MCC: variants seen among roughly 807,000 people sequenced by gnomAD.
MCC encodes the protein colorectal mutant cancer protein.
A neutral mutation model predicts 116.2 loss-of-function variants in MCC; 90 were observed. The observed-to-expected ratio is 0.77, with a 90% CI of 0.65 to 0.92. The LOEUF (loss-of-function observed/expected upper bound fraction) is 0.92. MCC is among the 40% of genes least tolerant of loss of function. MCC has a pLI of 0.00. For synonymous variants in MCC, 578 were observed against 510.5 expected (o/e 1.13, Z -1.78); for missense variants, 1,516 against 1,312.2 (o/e 1.16, Z -2.40).
rs961848657 is a variant in MCC, at chr5:113,104,086, C to T, written c.1191+106G>A. 5 of 1,168,222 alleles carry T rather than the reference C, an allele frequency of 4.3e-6. No individual in the cohort carries two copies. In the African/African-American group the frequency reaches 6.2e-5, roughly 14 times the overall value. 72.4% of individuals were successfully genotyped at this position (1,168,222 alleles called of 1,614,324 possible). A position where few individuals can be genotyped will look rare whatever the true frequency, so the allele number is the denominator to read the frequency against. The stretch of plus-strand genomic sequence containing the variant: ...ATCTATTGTATGGCTCTCATGGAAA[C>T]ATTCATCCCTAGTAAGTATTTAAGA... On this transcript the variant is annotated intron_variant, in intron 7 of 18. Transcript: ENST00000408903.
At chr5:113,275,932 T>G (rs1361572493) in intron 3 of MCC, among the ~76,000 whole-genome samples, 1 of 152,048 alleles carries the variant, frequency 6.6e-6, no homozygotes, top group East Asian at 1.9e-4. Flanking sequence ...TGAAATTCCC[T>G]TTTTACAAAA....
At chr5:113,348,456 C>G (rs566656562) in intron 2 of MCC, among the ~76,000 whole-genome samples, 1 of 152,084 alleles carries the variant, frequency 6.6e-6, no homozygotes, top group East Asian at 1.9e-4. Context: ...CAATATGCTC[C>G]TAAATAACCA....
chr5:113,487,952 A>C (rs1772587348), intron 1 of MCC, among the ~76,000 whole-genome samples: 1 of 152,164 alleles, frequency 6.6e-6, no homozygotes, highest in Non-Finnish European at 1.5e-5. Flanking sequence ...CCCACAGGGA[A>C]GAACACTCCA....
chr5:113,483,890 G>A (rs979957305), intron 1 of MCC, among the ~76,000 whole-genome samples: 1 of 152,058 alleles, frequency 6.6e-6, no homozygotes, highest in Admixed American at 6.6e-5. Context: ...CGCGTCCTTT[G>A]CAAGGACATG....
intron 3 of MCC, among the ~76,000 whole-genome samples, chr5:113,241,399 G>C (rs1245625541): frequency 6.6e-6 from 1 of 152,162 alleles, no homozygotes; most frequent in Non-Finnish European, 1.5e-5. Context: ...TCAACTCTGC[G>C]ATAGCCTAAA....
At chr5:113,231,871 T>A (rs1763951897) in intron 3 of MCC, among the ~76,000 whole-genome samples, 1 of 152,164 alleles carries the variant, frequency 6.6e-6, no homozygotes, top group Non-Finnish European at 1.5e-5. Flanking sequence ...AACATCCAAA[T>A]CATTGTCTAC....
At chr5:113,481,144 TAGAATTATTTTAAACAATTTGATTAG>T in intron 1 of MCC, among the ~76,000 whole-genome samples, 1 of 152,336 alleles carries the variant, frequency 6.6e-6, no homozygotes, top group East Asian at 1.9e-4. Context: ...GAAGAAGTTT[TAGAATTATTTTAAACAATTTGATTAG>T]CCTATTTCCC....
intron 2 of MCC, among the ~76,000 whole-genome samples, chr5:113,362,517 C>A (rs1768575043): frequency 6.6e-6 from 1 of 152,068 alleles, no homozygotes; most frequent in Non-Finnish European, 1.5e-5. Context: ...TACTTTCTTT[C>A]TTTCTTTTTT....
intron 1 of MCC, among the ~76,000 whole-genome samples, chr5:113,423,269 A>G (rs574259469): frequency 1.1e-4 from 17 of 152,342 alleles, no homozygotes; most frequent in Admixed American, 3.9e-4. Flanking sequence ...AGTGCCTTGC[A>G]AAGAATATAC....
At chr5:113,455,815 G>C (rs576836185) in intron 1 of MCC, among the ~76,000 whole-genome samples, 1 of 152,270 alleles carries the variant, frequency 6.6e-6, no homozygotes, top group African/African-American at 2.4e-5. Context: ...TGAGTTTGCA[G>C]AAAACTTGTG....
intron 3 of MCC, among the ~76,000 whole-genome samples, chr5:113,232,119 A>G (rs1763959855): frequency 6.6e-6 from 1 of 152,198 alleles, no homozygotes; most frequent in African/African-American, 2.4e-5. Flanking sequence ...AAACTCTAAA[A>G]TAAAAGCAAA....
intron 8 of MCC, among the ~76,000 whole-genome samples, chr5:113,098,113 GAC>G (rs1756151943): frequency 6.6e-6 from 1 of 152,200 alleles, no homozygotes; most frequent in South Asian, 2.1e-4. Context: ...GGTTCAGCGG[GAC>G]ACAGTTTCAT....
intron 2 of MCC, among the ~76,000 whole-genome samples, chr5:113,351,271 G>A (rs1247549918): frequency 2.0e-5 from 3 of 152,014 alleles, no homozygotes; most frequent in Admixed American, 6.6e-5. Context: ...AATAACCAAG[G>A]TTTACAAGCA....
chr5:113,105,341 T>C (rs188009376), intron 6 of MCC, among the ~76,000 whole-genome samples: 31 of 152,334 alleles, frequency 2.0e-4, no homozygotes, highest in Admixed American at 1.8e-3. Flanking sequence ...TTTTGGGACT[T>C]ACCTTTGGAA....
intron 5 of MCC, among the ~76,000 whole-genome samples, chr5:113,137,039 T>C (rs965731697): frequency 4.6e-5 from 7 of 152,186 alleles, no homozygotes; most frequent in Non-Finnish European, 1.0e-4. Context: ...TAGTCTGTTC[T>C]CACACTGCTA....
chr5:113,363,291 A>T (rs141649344), intron 2 of MCC, among the ~76,000 whole-genome samples: 115 of 152,342 alleles, frequency 7.5e-4, no homozygotes, highest in African/African-American at 2.7e-3. Context: ...ACAAAAACAA[A>T]AAAACAAACA....
In MCC at chr5:113,074,351, A is replaced by G. The variant is rs534044047; in HGVS notation, c.1785-3117T>C. Among the ~76,000 whole-genome samples, 5 of 152,368 alleles carry G rather than the reference A, an allele frequency of 3.3e-5. No homozygotes were observed. In the East Asian group the frequency reaches 5.8e-4, roughly 18 times the overall value. ...TTAGAAGGAAAACTAACAAACAGAA[A>G]GGACATCCACACCAAAACCCCATCT... On this transcript the variant is annotated intron_variant, in intron 11 of 18. Transcript: ENST00000408903.
intron 8 of MCC, among the ~76,000 whole-genome samples, chr5:113,091,143 AC>A (rs1325206289): frequency 6.6e-6 from 1 of 152,232 alleles, no homozygotes; most frequent in Non-Finnish European, 1.5e-5. Flanking sequence ...AGCGGAGTCA[AC>A]CTTCAGAAAC....
intron 3 of MCC, among the ~76,000 whole-genome samples, chr5:113,207,169 T>G (rs1762946846): frequency 6.6e-6 from 1 of 152,140 alleles, no homozygotes; most frequent in African/African-American, 2.4e-5. Flanking sequence ...GGTTAGAGAC[T>G]TTGGAATCAG....
Sources: gnomAD v4.1 joint callset for allele counts (sites outside exome capture counted in the v4.1 genomes callset) on GRCh38, gnomAD v4.1.1 for gene constraint, MANE v1.5 for transcripts, NCBI Gene and HGNC (gene_info 2026-07-23, HGNC 2026-07-21) for gene names.